Variants in CALD1 observed in about 807,000 individuals in gnomAD.
The protein encoded by CALD1 is caldesmon 1, also known as caldesmon.
In CALD1, 33 loss-of-function variants were observed where a neutral mutation model predicts 99.9. The observed-to-expected ratio is 0.33, with a 90% CI of 0.25 to 0.44. The LOEUF is 0.44. CALD1 is among the 20% of genes least tolerant of loss of function. The pLI is 1.00. For missense variants in CALD1, 861 were observed against 962.1 expected (o/e 0.89, Z 1.39); for synonymous variants, 310 against 325.0 (o/e 0.95, Z 0.50).
intron 13 of CALD1, chr7:134,962,883 T>C (rs1231822027): frequency 2.2e-6 from 1 of 456,702 alleles, no homozygotes; most frequent in East Asian, 6.9e-5. Flanking sequence ...CCTGCCTTCA[T>C]TTCTCCCTCT....
intron 1 of CALD1, among the ~76,000 whole-genome samples, chr7:134,763,225 A>G (rs1796794321): frequency 6.6e-6 from 1 of 152,240 alleles, no homozygotes; most frequent in African/African-American, 2.4e-5. Context: ...TAGTCTTTCT[A>G]AGGAGATAGA....
At chr7:134,965,739 A>C (rs1257374461) in intron 14 of CALD1, among the ~76,000 whole-genome samples, 1 of 151,954 alleles carries the variant, frequency 6.6e-6, no homozygotes, top group Non-Finnish European at 1.5e-5. Context: ...CTTGGGGAAA[A>C]CATCTGTCTC....
At chr7:134,817,058 T>A (rs535749012) in intron 1 of CALD1, among the ~76,000 whole-genome samples, 25 of 152,338 alleles carry the variant, frequency 1.6e-4, no homozygotes, top group Non-Finnish European at 3.2e-4. Context: ...GCTAGGATGT[T>A]GTTACTGCTT....
At chr7:134,832,778 T>C (rs188804552) in intron 1 of CALD1, among the ~76,000 whole-genome samples, 3 of 152,350 alleles carry the variant, frequency 2.0e-5, no homozygotes, top group Middle Eastern at 3.4e-3. Flanking sequence ...AGGTTTTTCC[T>C]TTTTTTGGTT....
chr7:134,940,502 A>T (rs1403862491), intron 6 of CALD1, among the ~76,000 whole-genome samples: 1 of 152,108 alleles, frequency 6.6e-6, no homozygotes, highest in Non-Finnish European at 1.5e-5. Flanking sequence ...GTTCTCACAG[A>T]CCCCACATAT....
intron 1 of CALD1, among the ~76,000 whole-genome samples, chr7:134,795,953 G>A (rs545064978): frequency 6.6e-6 from 1 of 152,164 alleles, no homozygotes; most frequent in Non-Finnish European, 1.5e-5. Context: ...GAAACAAGGA[G>A]TGTAGGAGTT....
At chr7:134,725,549 GACAA>G in the CALD1 span, among the ~76,000 whole-genome samples, 1 of 152,208 alleles carries the variant, frequency 6.6e-6, no homozygotes, top group Admixed American at 6.5e-5. Flanking sequence ...GTTGGTGCTT[GACAA>G]ATATCACTCT....
chr7:134,946,720 G>A (rs1474769951), intron 7 of CALD1, among the ~76,000 whole-genome samples: 1 of 137,648 alleles, frequency 7.3e-6, no homozygotes, highest in Non-Finnish European at 1.5e-5. Flanking sequence ...TCGCTTTGTT[G>A]CCCAGGCTGG....
rs1043584486 is a variant in CALD1, at chr7:134,959,874, T to G, written c.2062-100T>G. On this transcript the variant is annotated intron_variant, in intron 11 of 14. Coordinates refer to ENST00000361675, the MANE Select transcript of CALD1 (RefSeq NM_033138.4). ...ATTTTTGGTGGAGGTGTTTACACAATGAATTTTTAAGATGATAATGTTGAG... is the reference window on the plus strand; with the variant it reads ...ATTTTTGGTGGAGGTGTTTACACAAGGAATTTTTAAGATGATAATGTTGAG... 3.8e-6 allele frequency: 5 copies of G among 1,301,384 alleles called. No individual in the cohort carries two copies. The African/African-American group carries it at 7.4e-5, about 19-fold the overall frequency. The allele number at this position is 1,301,384 out of a possible 1,614,324, so 80.6% of individuals were successfully genotyped here.
the CALD1 span, among the ~76,000 whole-genome samples, chr7:134,720,453 G>C: frequency 6.6e-6 from 1 of 152,114 alleles, no homozygotes; most frequent in Non-Finnish European, 1.5e-5. Flanking sequence ...GTCCTCATTA[G>C]TAACTTCTTT....
chr7:134,921,756 A>G (rs1016193057), intron 3 of CALD1, among the ~76,000 whole-genome samples: 13 of 152,242 alleles, frequency 8.5e-5, no homozygotes, highest in African/African-American at 3.1e-4. Flanking sequence ...GGTTGCAGTG[A>G]GCCGAGATTG....
At chr7:134,734,595 G>A in the CALD1 span, among the ~76,000 whole-genome samples, 8 of 152,156 alleles carry the variant, frequency 5.3e-5, no homozygotes, top group Non-Finnish European at 1.2e-4. Flanking sequence ...GGAGGGACCC[G>A]GTGGGAGGTA....
chr7:134,959,963 A>T lies in CALD1; in HGVS notation c.2062-11A>T. ...CCAGCACCAATCCTAAAAATAACTC[A>T]CAAATTTCAGGGAACAAAAAGCGCA... On this transcript the variant is annotated splice_polypyrimidine_tract_variant and intron_variant, in intron 11 of 14. Transcript: ENST00000361675. 6 of 1,612,450 alleles carry T rather than the reference A, an allele frequency of 3.7e-6. No homozygotes were observed. Among genetic ancestry groups the T allele is most frequent in the Non-Finnish European group, 4.2e-6 (5 of 1,179,340 alleles).
intron 1 of CALD1, among the ~76,000 whole-genome samples, chr7:134,790,543 TACTGCAGTTCA>T (rs1428069942): frequency 6.6e-6 from 1 of 152,208 alleles, no homozygotes; most frequent in Non-Finnish European, 1.5e-5. Flanking sequence ...CAGGGAGCCA[TACTGCAGTTCA>T]ACTAGACAAG....
chr7:134,791,152 C>T (rs760678930), intron 1 of CALD1, among the ~76,000 whole-genome samples: 2 of 149,972 alleles, frequency 1.3e-5, no homozygotes, highest in African/African-American at 4.9e-5. Flanking sequence ...AGAATATTCA[C>T]GGGGTCACTC....
intron 3 of CALD1, among the ~76,000 whole-genome samples, chr7:134,885,971 C>T (rs1801833780): frequency 6.6e-6 from 1 of 151,874 alleles, no homozygotes; most frequent in Non-Finnish European, 1.5e-5. Context: ...AGATATGTTT[C>T]AAGTTGGAGG....
At chr7:134,812,246 C>T (rs934005226) in intron 1 of CALD1, among the ~76,000 whole-genome samples, 24 of 152,094 alleles carry the variant, frequency 1.6e-4, no homozygotes, top group African/African-American at 5.6e-4. Context: ...CCATTACTCT[C>T]CTGCTTCTTA....
chr7:134,937,831 T>C (rs940720261), intron 6 of CALD1, among the ~76,000 whole-genome samples: 1 of 152,222 alleles, frequency 6.6e-6, no homozygotes, highest in Admixed American at 6.5e-5. Context: ...GCAGTTTAAC[T>C]GTGGCAATGA....
chr7:134,818,295 A>T (rs993929583), intron 1 of CALD1, among the ~76,000 whole-genome samples: 1 of 152,250 alleles, frequency 6.6e-6, no homozygotes. Flanking sequence ...GATAATATGT[A>T]GAATAGATTT....
Sources: allele counts gnomAD v4.1 joint callset (sites outside exome capture counted in the v4.1 genomes callset), GRCh38; gene constraint gnomAD v4.1.1; transcripts MANE v1.5; gene names NCBI Gene and HGNC (gene_info 2026-07-23, HGNC 2026-07-21).